The following TIAM2 variants were observed in gnomAD, a reference collection of about 807,000 sequenced individuals.
TIAM2 encodes rho guanine nucleotide exchange factor TIAM2.
In TIAM2, 80 loss-of-function variants were observed where a neutral mutation model predicts 152.9. The ratio of observed to expected loss-of-function variants is 0.52; its 90% CI spans 0.44 to 0.63. TIAM2 has a LOEUF of 0.63. Ranked by LOEUF, TIAM2 falls within the 30% of genes least tolerant of loss-of-function variation. TIAM2 has a pLI of 0.00. For missense variants in TIAM2, 1,965 were observed against 2,120.1 expected (o/e 0.93, Z 1.44); for synonymous variants, 804 against 838.0 (o/e 0.96, Z 0.70).
At chr6:155,071,374 T>C (rs1184828419) in intron 1 of TIAM2, among the ~76,000 whole-genome samples, 2 of 152,182 alleles carry the variant, frequency 1.3e-5, no homozygotes, top group African/African-American at 2.4e-5. Context: ...AGACTGGACT[T>C]ATTAAACGTT....
At chr6:155,151,440 C>A (rs1479710204) in intron 7 of TIAM2, among the ~76,000 whole-genome samples, 1 of 152,224 alleles carries the variant, frequency 6.6e-6, no homozygotes, top group Non-Finnish European at 1.5e-5. Flanking sequence ...CAAACAATGA[C>A]CTAATCATTG....
intron 1 of TIAM2, among the ~76,000 whole-genome samples, chr6:155,068,663 G>T (rs1400161168): frequency 7.5e-5 from 11 of 146,822 alleles, no homozygotes; most frequent in Admixed American, 7.2e-4. Flanking sequence ...CACCATGTTG[G>T]CCAGGCTGGT....
chr6:155,077,295 G>A (rs535572965), intron 1 of TIAM2, among the ~76,000 whole-genome samples: 99 of 152,048 alleles, frequency 6.5e-4, no homozygotes, highest in African/African-American at 2.3e-3. Context: ...GCCTGGGGTT[G>A]GAGGAAGCCT....
chr6:155,197,422 A>C (rs887003025), intron 14 of TIAM2, among the ~76,000 whole-genome samples: 2 of 152,166 alleles, frequency 1.3e-5, no homozygotes, highest in Non-Finnish European at 2.9e-5. Flanking sequence ...ATGGGGGCTG[A>C]AAATGTTGAT....
At position 155,148,290 on chromosome 6, in the gene TIAM2, T is replaced by G; in HGVS notation, c.1984T>G (p.Ser662Ala). ...KMKKMAELQL[S>A]VVSDPKNRKA... The stretch of plus-strand genomic sequence containing the variant: ...GAAGAAGATGGCAGAGCTGCAGCTG[T>G]CCGTGGTGAGCGACCCAAAGAACAG... The change falls in exon 7 of 27, where the codon TCC becomes GCC. Residue 662 changes from serine to alanine, a missense_variant. By Grantham distance (99) the Ser-to-Ala change is moderately conservative (BLOSUM62 1). This residue lies in a region of TIAM2 where 1,025 missense variants were observed against 1,119.4 expected (regional missense o/e 0.92). Transcript: ENST00000682666. 6.2e-7 allele frequency: 1 copy of G among 1,612,290 alleles called. No individual in the cohort carries two copies. The highest frequency in any genetic ancestry group is 1.3e-5 in the African/African-American group (1 of 74,986).
At chr6:155,255,238 A>G (rs887888325) in intron 26 of TIAM2, 1 of 152,142 alleles carries the variant, frequency 6.6e-6, no homozygotes, top group Non-Finnish European at 1.5e-5. Flanking sequence ...CATATTATCA[A>G]CTTAACAATG....
intron 1 of TIAM2, among the ~76,000 whole-genome samples, chr6:155,058,210 G>A (rs1777496061): frequency 6.6e-6 from 1 of 152,120 alleles, no homozygotes; most frequent in African/African-American, 2.4e-5. Context: ...TTGCTAATGG[G>A]ATGTTGGTAT....
chr6:155,168,392 C>G (rs1780495783), intron 9 of TIAM2, among the ~76,000 whole-genome samples: 1 of 152,046 alleles, frequency 6.6e-6, no homozygotes. Flanking sequence ...CAGTCTCGTG[C>G]TGTTGCCCAG....
At chr6:155,067,721 G>T (rs1777732595) in intron 1 of TIAM2, among the ~76,000 whole-genome samples, 1 of 152,074 alleles carries the variant, frequency 6.6e-6, no homozygotes, top group Non-Finnish European at 1.5e-5. Flanking sequence ...GCTCACTGCA[G>T]CCTCCACCTC....
chr6:155,120,549 G>A (rs1470384652), intron 2 of TIAM2, among the ~76,000 whole-genome samples: 1 of 152,192 alleles, frequency 6.6e-6, no homozygotes, highest in Non-Finnish European at 1.5e-5. Context: ...GATTCTGGCA[G>A]TATTTACAGA....
At chr6:155,210,492 G>T (rs886260383) in intron 14 of TIAM2, among the ~76,000 whole-genome samples, 5 of 144,992 alleles carry the variant, frequency 3.4e-5, no homozygotes, top group African/African-American at 7.6e-5. Context: ...TTGTGTGTGT[G>T]TTTTTTTTTT....
In TIAM2 at chr6:155,166,644, A is replaced by G. The variant is rs1366558744; in HGVS notation, c.2361+1235A>G. On this transcript the variant is annotated intron_variant, in intron 9 of 26. Coordinates refer to ENST00000682666, the MANE Select transcript of TIAM2 (RefSeq NM_012454.4). ...CCTCTTCTAACATTTTTATTAAGGA[A>G]AAATAGTCTAAGCACATGTTATGTG... Among the ~76,000 whole-genome samples the G allele has an allele frequency of 2.0e-5, 3 of 152,166 alleles. No homozygotes were observed. The East Asian group carries it at 5.8e-4, about 29-fold the overall frequency.
intron 2 of TIAM2, among the ~76,000 whole-genome samples, chr6:155,116,407 C>CA (rs2115016003): frequency 6.9e-6 from 1 of 144,120 alleles, no homozygotes; most frequent in Admixed American, 6.7e-5. Context: ...TCAAACAAGG[C>CA]AAAAACCCTT....
At chr6:155,226,536 ACGC>A (rs1235592977) in intron 15 of TIAM2, among the ~76,000 whole-genome samples, 1 of 152,040 alleles carries the variant, frequency 6.6e-6, no homozygotes, top group Non-Finnish European at 1.5e-5. Context: ...ATGGTGGTGC[ACGC>A]CTGTAATCCC....
intron 15 of TIAM2, among the ~76,000 whole-genome samples, chr6:155,220,827 A>G (rs1478171796): frequency 2.6e-5 from 4 of 152,204 alleles, no homozygotes; most frequent in African/African-American, 9.7e-5. Context: ...CAGGTTTGTT[A>G]CATAGGTATA....
At chr6:155,177,703 T>G (rs1435668216) in intron 10 of TIAM2, among the ~76,000 whole-genome samples, 1 of 152,212 alleles carries the variant, frequency 6.6e-6, no homozygotes, top group African/African-American at 2.4e-5. Flanking sequence ...TTAGTCCCCC[T>G]TTTTCACTTT....
chr6:155,063,640 G>T (rs569284205), intron 1 of TIAM2, among the ~76,000 whole-genome samples: 1 of 152,094 alleles, frequency 6.6e-6, no homozygotes, highest in Non-Finnish European at 1.5e-5. Flanking sequence ...AAATTAGCTG[G>T]GCGTGGTGGT....
At chr6:155,030,804 G>A (rs2114889624) in intron 1 of TIAM2, among the ~76,000 whole-genome samples, 2 of 152,260 alleles carry the variant, frequency 1.3e-5, no homozygotes, top group Middle Eastern at 6.8e-3. Context: ...CTCAACCAGG[G>A]AGGTTCCATA....
At chr6:155,077,985 A>G (rs1777993285) in intron 1 of TIAM2, among the ~76,000 whole-genome samples, 1 of 152,172 alleles carries the variant, frequency 6.6e-6, no homozygotes, top group South Asian at 2.1e-4. Context: ...ATCCTTGCTC[A>G]ATATTGATTA....
Sources: gnomAD v4.1 joint callset for allele counts (sites outside exome capture counted in the v4.1 genomes callset) on GRCh38, gnomAD v4.1.1 for gene constraint, gnomAD v4.1.1 regional missense constraint, MANE v1.5 for transcripts, NCBI Gene and HGNC (gene_info 2026-07-23, HGNC 2026-07-21) for gene names.